The following RALGAPA2 variants were observed in gnomAD, a reference collection of about 807,000 sequenced individuals.
RALGAPA2 encodes the protein ral GTPase-activating protein subunit alpha-2.
In RALGAPA2, 139 loss-of-function variants were observed where a neutral mutation model predicts 230.4. The ratio of observed to expected loss-of-function variants is 0.60; its 90% CI spans 0.53 to 0.69. The LOEUF is 0.69. Ranked by LOEUF, RALGAPA2 falls within the 30% of genes least tolerant of loss-of-function variation. The pLI is 0.00. For synonymous variants in RALGAPA2, 847 were observed against 837.8 expected (o/e 1.01, Z -0.19); for missense variants, 2,163 against 2,276.0 (o/e 0.95, Z 1.01).
intron 37 of RALGAPA2, among the ~76,000 whole-genome samples, chr20:20,443,751 A>G (rs1053639609): frequency 6.6e-6 from 1 of 152,252 alleles, no homozygotes; most frequent in African/African-American, 2.4e-5. Flanking sequence ...TAAATGATGA[A>G]CACAGTGGTG....
At chr20:20,524,650 T>TG in intron 29 of RALGAPA2, 107 bp from the exon 30 acceptor site, 1 of 1,447,628 alleles carries the variant, frequency 6.9e-7, no homozygotes, top group Non-Finnish European at 9.4e-7. Flanking sequence ...GACATGCAGG[T>TG]GCTAGATAAG....
chr20:20,592,601 A>G (rs1052892007), intron 16 of RALGAPA2, among the ~76,000 whole-genome samples: 4 of 152,204 alleles, frequency 2.6e-5, no homozygotes, highest in Admixed American at 1.3e-4. Context: ...ACAAATTTTA[A>G]TTTGCTCATT....
rs1350100404 is a variant in RALGAPA2 at position 20,623,953 on chromosome 20, A to G, written c.1234-3323T>C. ...TGTTTCTTCTGATTTTTATGTCTAG[A>G]AAAGTTTTGACTCACAAATTCCCAA... is the stretch of plus-strand genomic sequence containing the variant. On this transcript the variant is annotated intron_variant, in intron 10 of 39. Coordinates refer to ENST00000202677, the MANE Select transcript of RALGAPA2 (RefSeq NM_020343.4). Among the ~76,000 whole-genome samples, 3 of 152,158 alleles carry G rather than the reference A, an allele frequency of 2.0e-5. No individual in the cohort carries two copies. In the East Asian group the frequency reaches 5.8e-4, roughly 29 times the overall value.
chr20:20,629,507 G>C lies in RALGAPA2; in HGVS notation c.1089C>G (p.Asn363Lys). 1.2e-6 allele frequency: 2 copies of C among 1,613,978 alleles called. No individual in the cohort carries two copies. The highest frequency in any genetic ancestry group is 1.7e-6 in the Non-Finnish European group (2 of 1,179,894). ...GPTEQDKSHS[N>K]SSTLSDRRLS... ...GTCTTCGGTCCGACAAGGTGCTGCT[G>C]TTAGAATGGCTTTTGTCCTGCTCCG... Residue 363 changes from asparagine (N) to lysine (K), a missense_variant, in exon 10 of 40, where the codon AAC becomes AAG. By Grantham distance (94) the Asn-to-Lys change is moderately conservative. Coordinates refer to ENST00000202677, the MANE Select transcript of RALGAPA2 (RefSeq NM_020343.4).
intron 19 of RALGAPA2, among the ~76,000 whole-genome samples, chr20:20,583,460 T>G (rs1321880875): frequency 2.6e-5 from 4 of 152,168 alleles, no homozygotes; most frequent in Non-Finnish European, 5.9e-5. Flanking sequence ...AGCACCACTA[T>G]GTATCATTCA....
intron 19 of RALGAPA2, 136 bp from the exon 20 acceptor site, chr20:20,583,362 G>A: frequency 1.0e-6 from 1 of 955,392 alleles, no homozygotes; most frequent in Non-Finnish European, 1.5e-6. Context: ...AGAACCTGCA[G>A]AACTTGAGAG....
intron 9 of RALGAPA2, among the ~76,000 whole-genome samples, chr20:20,633,700 G>A (rs572663889): frequency 6.6e-6 from 1 of 151,666 alleles, no homozygotes; most frequent in East Asian, 1.9e-4. Flanking sequence ...GGATGGTCTC[G>A]ATCTCCTGAC....
intron 36 of RALGAPA2, among the ~76,000 whole-genome samples, chr20:20,480,703 G>A (rs571396757): frequency 2.0e-5 from 3 of 152,188 alleles, no homozygotes; most frequent in African/African-American, 4.8e-5. Context: ...AAGCGGATGC[G>A]GAAGGGTTCT....
At position 20,601,844 on chromosome 20, in the gene RALGAPA2, A is replaced by C; in HGVS notation, c.2041T>G (p.Cys681Gly). ...GTTCCTTTCTGAGGATCTAGAACAC[A>C]GCCTGATAAAGGAAAAGAAAAATAA... ...QKEKKQRGKGCVLDPQKGTTV... is the reference protein window; with the variant it reads ...QKEKKQRGKGGVLDPQKGTTV... The change falls in exon 16 of 40, where the codon TGT (cysteine) becomes GGT (glycine). Residue 681 changes from cysteine to glycine, a missense_variant and splice_region_variant. Coordinates refer to ENST00000202677, the MANE Select transcript of RALGAPA2 (RefSeq NM_020343.4). The C allele has an allele frequency of 6.3e-7, 1 of 1,584,676 alleles. No individual in the cohort carries two copies. Among genetic ancestry groups the C allele is most frequent in the Non-Finnish European group, 8.6e-7 (1 of 1,167,952 alleles).
At chr20:20,587,127 A>G (rs772040699) in intron 18 of RALGAPA2, among the ~76,000 whole-genome samples, 7 of 152,192 alleles carry the variant, frequency 4.6e-5, no homozygotes, top group Non-Finnish European at 8.8e-5. Context: ...GCACCTAAAT[A>G]TACTATAGTG....
chr20:20,636,163 A>G (rs1458621962), intron 8 of RALGAPA2, among the ~76,000 whole-genome samples: 3 of 152,192 alleles, frequency 2.0e-5, no homozygotes, highest in Admixed American at 1.3e-4. Flanking sequence ...TTCACCTTTG[A>G]GGCATCAAAT....
chr20:20,431,747 T>G (rs1412390558), intron 37 of RALGAPA2, among the ~76,000 whole-genome samples: 1 of 152,188 alleles, frequency 6.6e-6, no homozygotes, highest in Non-Finnish European at 1.5e-5. Context: ...TTGATTAGCC[T>G]GATCTAATCA....
intron 7 of RALGAPA2, among the ~76,000 whole-genome samples, chr20:20,638,671 C>T (rs2066935164): frequency 6.6e-6 from 1 of 152,120 alleles, no homozygotes; most frequent in African/African-American, 2.4e-5. Context: ...ACTGAATGTC[C>T]AAACACTTCT....
At chr20:20,637,150 G>A (rs1470130406) in intron 8 of RALGAPA2, among the ~76,000 whole-genome samples, 1 of 152,126 alleles carries the variant, frequency 6.6e-6, no homozygotes, top group Non-Finnish European at 1.5e-5. Context: ...AGGAGCCACG[G>A]TTCCCTTTTA....
intron 37 of RALGAPA2, among the ~76,000 whole-genome samples, chr20:20,448,349 G>A (rs780407628): frequency 2.0e-5 from 3 of 152,230 alleles, no homozygotes; most frequent in Middle Eastern, 3.4e-3. Flanking sequence ...TAGGTTGTCC[G>A]GTTGTTAAAA....
At chr20:20,576,376 G>C (rs935130625) in intron 20 of RALGAPA2, among the ~76,000 whole-genome samples, 2 of 152,026 alleles carry the variant, frequency 1.3e-5, no homozygotes, top group African/African-American at 2.4e-5. Flanking sequence ...TTTTGACTGT[G>C]AGTTTTCTTA....
chr20:20,428,448 T>A (rs2060432681), intron 37 of RALGAPA2, among the ~76,000 whole-genome samples: 1 of 152,184 alleles, frequency 6.6e-6, no homozygotes, highest in South Asian at 2.1e-4. Flanking sequence ...TCTTGATAGA[T>A]CAAAAGCAGC....
At chr20:20,680,099 C>T (rs2068467238) in intron 2 of RALGAPA2, among the ~76,000 whole-genome samples, 1 of 152,104 alleles carries the variant, frequency 6.6e-6, no homozygotes, top group African/African-American at 2.4e-5. Context: ...ATTAATTTGC[C>T]CAAGGAGAAA....
intron 33 of RALGAPA2, among the ~76,000 whole-genome samples, chr20:20,509,702 AG>A (rs1260541269): frequency 5.3e-5 from 8 of 152,242 alleles, no homozygotes; most frequent in Admixed American, 3.3e-4. Flanking sequence ...AGAAAAGAAA[AG>A]AAAAAATGAA....
Sources: gnomAD v4.1 joint callset for allele counts (sites outside exome capture counted in the v4.1 genomes callset) on GRCh38, gnomAD v4.1.1 for gene constraint, MANE v1.5 for transcripts, NCBI Gene and HGNC (gene_info 2026-07-23, HGNC 2026-07-21) for gene names.